WDR7: variants seen among roughly 807,000 people sequenced by gnomAD.
WDR7 encodes WD repeat domain 7.
Under a neutral mutation model 169.4 loss-of-function variants are expected in WDR7, and 46 were observed. That is an observed-to-expected ratio of 0.27 (90% CI 0.21 to 0.35). The LOEUF (loss-of-function observed/expected upper bound fraction) is 0.35, where lower values mean the gene tolerates loss of function less well. WDR7 is among the 10% of genes least tolerant of loss of function. The probability of loss-of-function intolerance (pLI) is 1.00; values close to 1 mark genes in which losing one functional copy is unlikely to be tolerated. For missense variants in WDR7, 1,534 were observed against 1,859.3 expected (o/e 0.83, Z 3.22); for synonymous variants, 612 against 666.8 (o/e 0.92, Z 1.27).
In WDR7 at chr18:56,962,681, A is replaced by T. The variant is rs117478617; in HGVS notation, c.4164+152A>T. ...TAGTTTAATGAAGGACGCACAGAAT[A>T]TAGAGCCCTACTGTCTTCATTCACT... On this transcript the variant is annotated intron_variant, in intron 26 of 27. Transcript: ENST00000254442. 8.8e-3 allele frequency: 6,204 copies of T among 708,932 alleles called. 46 individuals are homozygous for T. The highest frequency in any genetic ancestry group is 0.02 in the Middle Eastern group (77 of 3,772). The allele number at this position is 708,932 out of a possible 1,614,324, so 43.9% of individuals were successfully genotyped here.
At chr18:56,700,402 A>C (rs1166832203) in intron 12 of WDR7, among the ~76,000 whole-genome samples, 1 of 150,396 alleles carries the variant, frequency 6.6e-6, no homozygotes, top group Non-Finnish European at 1.5e-5. Flanking sequence ...GAATAAAGGC[A>C]TGTGCCACCT....
rs1426809402 is a variant in WDR7, at chr18:56,849,357, CCT to C, written c.3305-30584_3305-30583del. 2.6e-5 allele frequency among the ~76,000 whole-genome samples: 4 copies of C among 152,146 alleles called. No individual in the cohort carries two copies. The South Asian group carries it at 6.2e-4, about 24-fold the overall frequency. On this transcript the variant is annotated intron_variant, in intron 20 of 27. Coordinates refer to ENST00000254442, the MANE Select transcript of WDR7 (RefSeq NM_015285.3). The stretch of plus-strand genomic sequence containing the variant: ...TGGTTCTTTTGCATTCCTTATTCCT[CCT>C]CTGTTTCTTGTAGTGATTTCTCTTT...
At chr18:56,981,977 G>A (rs1270063299) in intron 26 of WDR7, among the ~76,000 whole-genome samples, 1 of 150,900 alleles carries the variant, frequency 6.6e-6, no homozygotes, top group Admixed American at 6.7e-5. Context: ...AACAAGAGAT[G>A]TGAAAGATAT....
At chr18:56,923,393 A>G (rs1010773304) in intron 21 of WDR7, among the ~76,000 whole-genome samples, 12 of 152,256 alleles carry the variant, frequency 7.9e-5, no homozygotes, top group Non-Finnish European at 1.5e-5. Context: ...TCATTGTACT[A>G]TATCAGTACA....
At chr18:56,856,897 A>G (rs1282997327) in intron 20 of WDR7, among the ~76,000 whole-genome samples, 1 of 152,142 alleles carries the variant, frequency 6.6e-6, no homozygotes, top group African/African-American at 2.4e-5. Context: ...TTTCTCCCTT[A>G]TATGATTATA....
chr18:56,927,720 T>C (rs1367103759), intron 22 of WDR7, among the ~76,000 whole-genome samples: 1 of 152,254 alleles, frequency 6.6e-6, no homozygotes, highest in African/African-American at 2.4e-5. Flanking sequence ...TTTTCTAATG[T>C]TTTCAGATAT....
At chr18:56,851,730 A>G (rs1261364138) in intron 20 of WDR7, among the ~76,000 whole-genome samples, 1 of 152,230 alleles carries the variant, frequency 6.6e-6, no homozygotes, top group Non-Finnish European at 1.5e-5. Context: ...CACAGTTCAT[A>G]TTAAGATTCT....
chr18:56,819,386 TTCTC>T (rs1392655353), intron 20 of WDR7, among the ~76,000 whole-genome samples: 6 of 152,240 alleles, frequency 3.9e-5, no homozygotes, highest in Middle Eastern at 3.4e-3. Flanking sequence ...TGCAGCTTCT[TTCTC>T]TATCTCTCTT....
intron 14 of WDR7, among the ~76,000 whole-genome samples, chr18:56,733,991 C>T (rs538595023): frequency 6.6e-5 from 10 of 152,200 alleles, no homozygotes; most frequent in South Asian, 2.1e-4. Context: ...CCTTTTCTTT[C>T]GCTGTTTTGC....
intron 16 of WDR7, among the ~76,000 whole-genome samples, chr18:56,772,026 A>C (rs1035430931): frequency 7.5e-6 from 1 of 133,808 alleles, no homozygotes. Flanking sequence ...ACACCACTAC[A>C]CTCCAGCCTG....
chr18:56,781,018 G>A (rs2044310731), intron 18 of WDR7, among the ~76,000 whole-genome samples: 1 of 152,098 alleles, frequency 6.6e-6, no homozygotes, highest in Non-Finnish European at 1.5e-5. Context: ...CAAAAACATT[G>A]TTTAAGCATG....
At chr18:56,831,885 G>C (rs187338593) in intron 20 of WDR7, among the ~76,000 whole-genome samples, 28 of 152,274 alleles carry the variant, frequency 1.8e-4, no homozygotes, top group Non-Finnish European at 3.1e-4. Context: ...CAGGGCCCTG[G>C]GTTTCAAGCA....
intron 22 of WDR7, among the ~76,000 whole-genome samples, chr18:56,931,893 T>C (rs1446452611): frequency 1.3e-5 from 2 of 152,010 alleles, no homozygotes; most frequent in African/African-American, 2.4e-5. Context: ...TTCAGGAGCA[T>C]TGGTGTTGAA....
At chr18:56,860,988 A>C (rs376865168) in intron 20 of WDR7, among the ~76,000 whole-genome samples, 1 of 152,152 alleles carries the variant, frequency 6.6e-6, no homozygotes, top group East Asian at 1.9e-4. Context: ...TAGAAATACA[A>C]TTGCTCTATT....
chr18:56,869,105 T>C (rs759576797), intron 20 of WDR7, among the ~76,000 whole-genome samples: 11 of 152,150 alleles, frequency 7.2e-5, no homozygotes, highest in Non-Finnish European at 1.3e-4. Context: ...ACATGTGAAT[T>C]GCCCTCAAAG....
chr18:56,991,125 A>C, intron 26 of WDR7, among the ~76,000 whole-genome samples: 1 of 141,398 alleles, frequency 7.1e-6, no homozygotes, highest in African/African-American at 2.7e-5. Context: ...CTTACTAGCT[A>C]CCGTACACCT....
chr18:56,828,920 A>G lies in WDR7; in HGVS notation c.3304+12776A>G, dbSNP rs147797107. On this transcript the variant is annotated intron_variant, in intron 20 of 27. Coordinates refer to ENST00000254442, the MANE Select transcript of WDR7 (RefSeq NM_015285.3). ...AAGCTGAGGATCTAGTGATCCAGAT[A>G]ATCTTTATATAACCCTTTATATAAA... is the stretch of plus-strand genomic sequence containing the variant. 7.1e-3 allele frequency among the ~76,000 whole-genome samples: 1,082 copies of G among 152,192 alleles called. 16 individuals are homozygous for G. Among genetic ancestry groups the G allele is most frequent in the Middle Eastern group, 0.024 (7 of 294 alleles).
rs549569348 is a variant in WDR7, at chr18:56,706,977, G to A, written c.1578+10515G>A. Among the ~76,000 whole-genome samples, 8 of 94,786 alleles carry A rather than the reference G, an allele frequency of 8.4e-5. No homozygotes were observed. The East Asian group carries it at 1.4e-3, about 17-fold the overall frequency. 62.2% of individuals were successfully genotyped at this position (94,786 alleles called of 152,430 possible). A position where few individuals can be genotyped will look rare whatever the true frequency, so the allele number is the denominator to read the frequency against. On this transcript the variant is annotated intron_variant, in intron 12 of 27. Coordinates refer to ENST00000254442, the MANE Select transcript of WDR7 (RefSeq NM_015285.3). ...TTACAGACATGAGCCACTGTGCCCC[G>A]CCAAATTTTTATTTTTTTTTTTGAG...
chr18:56,938,532 G>A lies in WDR7; in HGVS notation c.3832-1G>A. ...ATCTACAGCATAGAAATGTTTTGTA[G>A]GTACACAGACATACGGCTCTTGCAG... On this transcript the variant is annotated splice_acceptor_variant, in intron 23 of 27. Transcript: ENST00000254442. LOFTEE classifies it high-confidence loss of function. The A allele has an allele frequency of 6.2e-7, 1 of 1,613,390 alleles. No homozygotes were observed. The highest frequency in any genetic ancestry group is 8.5e-7 in the Non-Finnish European group (1 of 1,179,702).
Sources: allele counts gnomAD v4.1 joint callset (sites outside exome capture counted in the v4.1 genomes callset), GRCh38; gene constraint gnomAD v4.1.1; transcripts MANE v1.5; gene names NCBI Gene and HGNC (gene_info 2026-07-23, HGNC 2026-07-21).